Variants in CALN1 observed in about 807,000 individuals in gnomAD.
The protein encoded by CALN1 is calcium-binding protein 8.
CALN1 carries 17 observed loss-of-function variants against 30.6 expected under a neutral mutation model. That is an observed-to-expected ratio of 0.56 (90% CI 0.38 to 0.83). The LOEUF is 0.83. Among genes scored for constraint, CALN1 ranks in the 40% least tolerant of loss-of-function variants. The probability of loss-of-function intolerance (pLI) is 0.00; values close to 1 mark genes in which losing one functional copy is unlikely to be tolerated. For synonymous variants in CALN1, 156 were observed against 131.4 expected, an observed-to-expected ratio of 1.19 and a Z score of -1.28; for missense variants, 291 against 354.9, an observed-to-expected ratio of 0.82 and a Z score of 1.45.
chr7:71,853,160 T>C (rs1001353392), intron 5 of CALN1, among the ~76,000 whole-genome samples: 6 of 152,036 alleles, frequency 3.9e-5, no homozygotes, highest in African/African-American at 1.2e-4. Context: ...CACAGCAGCT[T>C]CTAATTTCTG....
rs1361238952 is a variant in CALN1, at chr7:72,199,207, GA to G, written c.244+79478del. Among the ~76,000 whole-genome samples, 6 of 152,308 alleles carry G rather than the reference GA, an allele frequency of 3.9e-5. No individual in the cohort carries two copies. In the East Asian group the frequency reaches 9.6e-4, roughly 24 times the overall value. On this transcript the variant is annotated intron_variant, in intron 3 of 6. Transcript: ENST00000395275. ...GGAGAATTGTTTGAACCTGAGAGGT[GA>G]AGGTTGCAGTGAGCTGAGATTGCAC...
chr7:71,924,413 T>C (rs564864350), intron 5 of CALN1, among the ~76,000 whole-genome samples: 2 of 149,640 alleles, frequency 1.3e-5, no homozygotes, highest in Non-Finnish European at 3.0e-5. Flanking sequence ...TAATACTTAA[T>C]ATATACAAAA....
At chr7:72,236,022 T>C (rs957033917) in intron 3 of CALN1, among the ~76,000 whole-genome samples, 3 of 143,168 alleles carry the variant, frequency 2.1e-5, no homozygotes, top group Non-Finnish European at 3.0e-5. Context: ...GGAGGGAGGA[T>C]AGTTTGAGCC....
At chr7:72,174,429 A>G (rs1448449003) in intron 3 of CALN1, among the ~76,000 whole-genome samples, 1 of 152,250 alleles carries the variant, frequency 6.6e-6, no homozygotes, top group African/African-American at 2.4e-5. Context: ...GAAGATTTGT[A>G]TAAAAACATT....
intron 2 of CALN1, among the ~76,000 whole-genome samples, chr7:72,377,700 T>G (rs775407585): frequency 7.2e-5 from 11 of 152,206 alleles, no homozygotes; most frequent in Non-Finnish European, 1.6e-4. Flanking sequence ...GGTCAGCTAA[T>G]GAGTGGACTG....
At chr7:72,316,770 C>T (rs1658027130) in intron 2 of CALN1, among the ~76,000 whole-genome samples, 1 of 151,780 alleles carries the variant, frequency 6.6e-6, no homozygotes, top group Admixed American at 6.6e-5. Context: ...CATAGTGAGA[C>T]CCTGTTTCTA....
chr7:71,976,530 G>T (rs1297544289), intron 5 of CALN1, among the ~76,000 whole-genome samples: 1 of 152,224 alleles, frequency 6.6e-6, no homozygotes, highest in Non-Finnish European at 1.5e-5. Context: ...AGACAGGAGC[G>T]CTGGGCGCAG....
At chr7:72,279,432 A>C (rs1797584677) in intron 2 of CALN1, among the ~76,000 whole-genome samples, 1 of 152,188 alleles carries the variant, frequency 6.6e-6, no homozygotes, top group African/African-American at 2.4e-5. Flanking sequence ...ACATTCTGAA[A>C]TGCTAATCAC....
At chr7:72,209,449 C>G (rs1421730918) in intron 3 of CALN1, among the ~76,000 whole-genome samples, 1 of 131,558 alleles carries the variant, frequency 7.6e-6, no homozygotes, top group East Asian at 2.5e-4. Context: ...TCCTTCCTTC[C>G]TTACATCCTT....
chr7:72,273,158 G>A (rs955193834), intron 3 of CALN1, among the ~76,000 whole-genome samples: 4 of 152,066 alleles, frequency 2.6e-5, no homozygotes, highest in Non-Finnish European at 5.9e-5. Flanking sequence ...CTTAGGCCAG[G>A]CACGGTGGCT....
intron 2 of CALN1, among the ~76,000 whole-genome samples, chr7:72,391,027 A>T (rs1415870418): frequency 2.0e-5 from 3 of 152,194 alleles, no homozygotes; most frequent in East Asian, 3.8e-4. Flanking sequence ...TTTTCCTGAC[A>T]TTGAAATTCT....
intron 2 of CALN1, among the ~76,000 whole-genome samples, chr7:72,383,068 GA>G (rs1805005701): frequency 6.6e-6 from 1 of 152,220 alleles, no homozygotes; most frequent in Non-Finnish European, 1.5e-5. Context: ...TTACGGGCAT[GA>G]GCCACCCTGC....
intron 1 of CALN1, among the ~76,000 whole-genome samples, chr7:72,419,378 T>C (rs1174265196): frequency 2.6e-5 from 4 of 152,150 alleles, no homozygotes; most frequent in Non-Finnish European, 5.9e-5. Context: ...CTTCCTTCTT[T>C]GATAACCCAT....
intron 3 of CALN1, among the ~76,000 whole-genome samples, chr7:72,203,137 G>A (rs1211225433): frequency 6.6e-6 from 1 of 152,102 alleles, no homozygotes; most frequent in Non-Finnish European, 1.5e-5. Context: ...GCTGAACAAT[G>A]AGAACACATG....
chr7:71,898,794 A>G (rs1292207673), intron 5 of CALN1, among the ~76,000 whole-genome samples: 1 of 152,240 alleles, frequency 6.6e-6, no homozygotes, highest in Admixed American at 6.5e-5. Context: ...ATTGCCCTCA[A>G]GAAATAGCAT....
At chr7:72,374,305 G>A (rs926674209) in intron 2 of CALN1, among the ~76,000 whole-genome samples, 2 of 152,218 alleles carry the variant, frequency 1.3e-5, no homozygotes, top group African/African-American at 4.8e-5. Flanking sequence ...GAGGCAGACA[G>A]ATCACCTGAG....
At chr7:72,165,054 G>A (rs940829033) in intron 3 of CALN1, among the ~76,000 whole-genome samples, 12 of 152,088 alleles carry the variant, frequency 7.9e-5, no homozygotes, top group Non-Finnish European at 1.8e-4. Flanking sequence ...ATCAAATTGT[G>A]CACCAAAGCC....
chr7:72,077,196 A>G (rs923803213), intron 4 of CALN1, among the ~76,000 whole-genome samples: 4 of 152,214 alleles, frequency 2.6e-5, no homozygotes, highest in Admixed American at 2.0e-4. Context: ...TGTATCCATA[A>G]AAAATAAAAT....
chr7:72,478,400 TA>T, the CALN1 span, among the ~76,000 whole-genome samples: 8,155 of 147,764 alleles, frequency 0.055, 746 homozygotes, highest in African/African-American at 0.19. Context: ...GAAATATATA[TA>T]TATTTTTTCT....
Sources: allele counts gnomAD v4.1 joint callset (sites outside exome capture counted in the v4.1 genomes callset), GRCh38; gene constraint gnomAD v4.1.1; transcripts MANE v1.5; gene names NCBI Gene and HGNC (gene_info 2026-07-23, HGNC 2026-07-21).